Variants in BCAR3 observed in about 807,000 individuals in gnomAD.
BCAR3 encodes the protein breast cancer anti-estrogen resistance protein 3.
A neutral mutation model predicts 80.1 loss-of-function variants in BCAR3; 37 were observed. That is an observed-to-expected ratio of 0.46 (90% CI 0.36 to 0.61). The LOEUF (loss-of-function observed/expected upper bound fraction) is 0.61, where lower values mean the gene tolerates loss of function less well. Among genes scored for constraint, BCAR3 ranks in the 20% least tolerant of loss-of-function variants. The pLI, the probability that BCAR3 is intolerant of heterozygous loss-of-function variation, is 0.00. For missense variants in BCAR3, 978 were observed against 1,068.2 expected (o/e 0.92, Z 1.18); for synonymous variants, 389 against 418.9 (o/e 0.93, Z 0.87).
intron 2 of BCAR3, among the ~76,000 whole-genome samples, chr1:93,832,464 CTGGAACTCT>C (rs1448859958): frequency 1.3e-5 from 2 of 152,326 alleles, no homozygotes; most frequent in African/African-American, 4.8e-5. Context: ...CCTAGAGCTC[CTGGAACTCT>C]GGCCCAAGGC....
intron 2 of BCAR3, among the ~76,000 whole-genome samples, chr1:93,796,806 G>A (rs961732168): frequency 7.9e-5 from 12 of 152,296 alleles, no homozygotes; most frequent in Non-Finnish European, 1.6e-4. Flanking sequence ...ATGTTCTGGG[G>A]ACAGAACAAT....
chr1:93,567,957 C>T (rs1291938034), intron 9 of BCAR3, 106 bp from the exon 10 acceptor site: 17 of 834,940 alleles, frequency 2.0e-5, no homozygotes, highest in African/African-American at 5.0e-5. Context: ...GAGGCTGAGG[C>T]GGGTGGATCA....
intron 11 of BCAR3, among the ~76,000 whole-genome samples, chr1:93,563,595 A>C (rs752093551): frequency 9.9e-5 from 15 of 152,220 alleles, no homozygotes; most frequent in Non-Finnish European, 1.8e-4. Context: ...GAAACTATTA[A>C]ACTCTATTCC....
chr1:93,745,098 CACAG>C, intron 2 of BCAR3, among the ~76,000 whole-genome samples: 1 of 152,234 alleles, frequency 6.6e-6, no homozygotes, highest in East Asian at 1.9e-4. Context: ...CTCTCTTTCC[CACAG>C]ACAAACAGAC....
chr1:93,722,755 T>C (rs908951599), intron 2 of BCAR3, among the ~76,000 whole-genome samples: 2 of 152,076 alleles, frequency 1.3e-5, no homozygotes, highest in Admixed American at 6.5e-5. Flanking sequence ...AGGAATATGT[T>C]TGTGCTTTGA....
At chr1:93,710,882 T>C (rs1288410332) in intron 2 of BCAR3, among the ~76,000 whole-genome samples, 2 of 152,204 alleles carry the variant, frequency 1.3e-5, no homozygotes, top group African/African-American at 2.4e-5. Context: ...TGGTTCAGGG[T>C]TTCTCAAGAG....
intron 3 of BCAR3, among the ~76,000 whole-genome samples, chr1:93,687,038 T>C (rs1649000733): frequency 6.6e-6 from 1 of 152,246 alleles, no homozygotes; most frequent in African/African-American, 2.4e-5. Context: ...ATTTCCGTTA[T>C]TGCTGTTGAA....
intron 3 of BCAR3, among the ~76,000 whole-genome samples, chr1:93,617,165 T>C (rs1222609707): frequency 2.6e-5 from 4 of 152,176 alleles, no homozygotes; most frequent in Non-Finnish European, 5.9e-5. Flanking sequence ...ATGCTTCCTG[T>C]TGGCAGCAGC....
chr1:93,675,925 C>CAAAAAAAAAAAAAAAAAAAAAAAA (rs58706715), intron 1 of BCAR3, among the ~76,000 whole-genome samples: 3 of 51,438 alleles, frequency 5.8e-5, no homozygotes, highest in African/African-American at 1.1e-4. Flanking sequence ...AAATAGGAGA[C>CAAAAAAAAAAAAAAAAAAAAAAAA]AAAAAAAAAA....
At chr1:93,661,092 T>A (rs565621581) in intron 2 of BCAR3, among the ~76,000 whole-genome samples, 1 of 151,976 alleles carries the variant, frequency 6.6e-6, no homozygotes, top group East Asian at 1.9e-4. Context: ...CAGGCTGGAG[T>A]GCAATGGCAT....
chr1:93,818,364 C>A (rs1449838934), intron 2 of BCAR3, among the ~76,000 whole-genome samples: 1 of 152,194 alleles, frequency 6.6e-6, no homozygotes, highest in African/African-American at 2.4e-5. Flanking sequence ...CTTCTCAGGG[C>A]CTTCCTCTTC....
chr1:93,805,454 T>A (rs1485976327), intron 2 of BCAR3, among the ~76,000 whole-genome samples: 1 of 152,234 alleles, frequency 6.6e-6, no homozygotes. Flanking sequence ...TAGACAGGTG[T>A]CAATCACCTT....
intron 2 of BCAR3, among the ~76,000 whole-genome samples, chr1:93,756,187 T>C (rs527449639): frequency 6.6e-6 from 1 of 152,220 alleles, no homozygotes; most frequent in East Asian, 1.9e-4. Flanking sequence ...TTTAATTGCA[T>C]GCAGTGGTCT....
In BCAR3 at chr1:93,583,865, G is replaced by T. The variant is rs190129292; in HGVS notation, c.1033+153C>A. On this transcript the variant is annotated intron_variant, in intron 6 of 11. Coordinates refer to ENST00000260502, the MANE Select transcript of BCAR3 (RefSeq NM_003567.4). Reference sequence around the variant, plus strand: ...ACGGTGTCTAGCTCAGTGCTTCGCCGCCGGATATAATTCTGCAAACCCATT... The same window carrying T: ...ACGGTGTCTAGCTCAGTGCTTCGCCTCCGGATATAATTCTGCAAACCCATT... Among the ~76,000 whole-genome samples, 167 of 152,296 alleles carry T rather than the reference G, an allele frequency of 1.1e-3. 2 individuals are homozygous for T. Among genetic ancestry groups the T allele is most frequent in the Non-Finnish European group, 8.8e-5 (6 of 68,036 alleles).
intron 3 of BCAR3, among the ~76,000 whole-genome samples, chr1:93,595,138 T>C (rs532205272): frequency 3.9e-5 from 6 of 152,244 alleles, no homozygotes; most frequent in Admixed American, 3.3e-4. Context: ...GGAGGTAGGG[T>C]ATTACAGGAA....
chr1:93,749,586 C>CAAA (rs1160570100), intron 2 of BCAR3, among the ~76,000 whole-genome samples: 1 of 69,410 alleles, frequency 1.4e-5, no homozygotes, highest in African/African-American at 4.7e-5. Flanking sequence ...GAGACTCCGT[C>CAAA]AAAAAAAAAA....
chr1:93,778,259 T>C (rs1485328026), intron 2 of BCAR3, among the ~76,000 whole-genome samples: 1 of 152,214 alleles, frequency 6.6e-6, no homozygotes, highest in Admixed American at 6.5e-5. Context: ...TAGGCCTTAA[T>C]AGTGGTCAGA....
Position 93,824,906 on chromosome 1 carries a change from C to A in BCAR3, c.-63+20661G>T, listed in dbSNP as rs1460229688. Among the ~76,000 whole-genome samples, 2 of 133,464 alleles carry A rather than the reference C, an allele frequency of 1.5e-5. 1 individual carries two copies. Among genetic ancestry groups the A allele is most frequent in the Non-Finnish European group, 3.4e-5 (2 of 59,436 alleles). 87.6% of individuals were successfully genotyped at this position (133,464 alleles called of 152,430 possible). On this transcript the variant is annotated intron_variant, in intron 2 of 13. Coordinates refer to the BCAR3 transcript ENST00000370244. The stretch of plus-strand genomic sequence containing the variant: ...GGTCTGGGGGGACCATCCCTCTCCA[C>A]GGAATATCCAAGCCATCCCAAGAAA...
At chr1:93,815,789 A>G (rs1301200672) in intron 2 of BCAR3, among the ~76,000 whole-genome samples, 2 of 152,228 alleles carry the variant, frequency 1.3e-5, no homozygotes, top group Non-Finnish European at 2.9e-5. Flanking sequence ...GAGCCAAAAA[A>G]TATAAATGAG....
Sources: gnomAD v4.1 joint callset for allele counts (sites outside exome capture counted in the v4.1 genomes callset) on GRCh38, gnomAD v4.1.1 for gene constraint, MANE v1.5 for transcripts, NCBI Gene and HGNC (gene_info 2026-07-23, HGNC 2026-07-21) for gene names.